The following FAM168B variants were observed in gnomAD, a reference collection of about 807,000 sequenced individuals.
The protein encoded by FAM168B is myelin-associated neurite-outgrowth inhibitor.
FAM168B carries 19 observed loss-of-function variants against 21.8 expected under a neutral mutation model. That is an observed-to-expected ratio of 0.87 (90% confidence interval 0.61 to 1.28). The LOEUF (loss-of-function observed/expected upper bound fraction) is 1.28, where lower values mean the gene tolerates loss of function less well. Ranked by LOEUF, FAM168B falls within the 50% of genes most tolerant of loss-of-function variation. The pLI is 0.00. For missense variants in FAM168B, 233 were observed against 263.1 expected (o/e 0.89, Z 0.79); for synonymous variants, 126 against 104.8 (o/e 1.20, Z -1.24).
intron 1 of FAM168B, among the ~76,000 whole-genome samples, chr2:131,086,921 C>A (rs1283106211): frequency 1.2e-4 from 15 of 129,056 alleles, no homozygotes; most frequent in African/African-American, 5.5e-4. Flanking sequence ...AAAAATTAGC[C>A]GGGCGAGGTG....
chr2:131,056,927 G>C (rs954131270), intron 3 of FAM168B, among the ~76,000 whole-genome samples: 10 of 152,204 alleles, frequency 6.6e-5, no homozygotes, highest in African/African-American at 2.4e-4. Context: ...GGGCATGCGA[G>C]AACCTTTCCA....
Position 131,051,094 on chromosome 2 carries a change from C to T in FAM168B, c.*1371G>A. 2.0e-6 allele frequency: 2 copies of T among 985,464 alleles called. No homozygotes were observed. Among genetic ancestry groups the T allele is most frequent in the Non-Finnish European group, 2.4e-6 (2 of 829,976 alleles). The allele number at this position is 985,464 out of a possible 1,614,324, so 61.0% of individuals were successfully genotyped here. A position where few individuals can be genotyped will look rare whatever the true frequency, so the allele number is the denominator to read the frequency against. ...CCCTGCCAGCAAACGCACTCCAGCACTGCCTGGCCCTCTCTGCTGTCTGTG... is the reference window on the plus strand; with the variant it reads ...CCCTGCCAGCAAACGCACTCCAGCATTGCCTGGCCCTCTCTGCTGTCTGTG... On this transcript the variant is annotated 3_prime_UTR_variant, in exon 7 of 7. Transcript: ENST00000389915.
At chr2:131,072,513 C>T (rs1247252713) in intron 2 of FAM168B, among the ~76,000 whole-genome samples, 1 of 151,862 alleles carries the variant, frequency 6.6e-6, no homozygotes, top group Non-Finnish European at 1.5e-5. Flanking sequence ...GTTGCCCAGG[C>T]TAGAGTGCAG....
intron 1 of FAM168B, among the ~76,000 whole-genome samples, chr2:131,083,409 G>A (rs886914097): frequency 3.9e-5 from 6 of 152,190 alleles, no homozygotes; most frequent in Non-Finnish European, 7.4e-5. Context: ...GTGTGGTGAC[G>A]CACACCTGTA....
rs957804107 is a variant in FAM168B, at chr2:131,055,828, A to G, written c.155-133T>C. The G allele has an allele frequency of 4.0e-6, 4 of 989,192 alleles. No individual in the cohort carries two copies. The African/African-American group carries it at 4.9e-5, about 12-fold the overall frequency. The allele number at this position is 989,192 out of a possible 1,614,324, so 61.3% of individuals were successfully genotyped here. ...CAGACCTGCTGCCACTGCCGCCCCC[A>G]CTCTCCTCCACTAAGATCTGACTTC... On this transcript the variant is annotated intron_variant, in intron 3 of 6. Coordinates refer to ENST00000389915, the MANE Select transcript of FAM168B (RefSeq NM_001009993.4).
At chr2:131,065,482 A>C (rs1692504902) in intron 3 of FAM168B, among the ~76,000 whole-genome samples, 3 of 152,124 alleles carry the variant, frequency 2.0e-5, no homozygotes. Context: ...TATGGCTATA[A>C]TTCTGAGTTC....
chr2:131,085,253 C>T (rs749369903), intron 1 of FAM168B, among the ~76,000 whole-genome samples: 1 of 152,088 alleles, frequency 6.6e-6, no homozygotes, highest in Non-Finnish European at 1.5e-5. Flanking sequence ...AGTTCAAGAC[C>T]AGCCTGGGCA....
Position 131,049,883 on chromosome 2 carries a change from G to A in FAM168B, c.*2582C>T. ...TTCTTAATTGACTTTAATTTTACTA[G>A]AAGCGAATGTTGATAAAATTACAAC... On this transcript the variant is annotated 3_prime_UTR_variant, in exon 7 of 7. Transcript: ENST00000389915. The A allele has an allele frequency of 3.0e-6, 3 of 985,678 alleles. No individual in the cohort carries two copies. Among genetic ancestry groups the A allele is most frequent in the Non-Finnish European group, 3.6e-6 (3 of 829,934 alleles). The allele number at this position is 985,678 out of a possible 1,614,324, so 61.1% of individuals were successfully genotyped here. A position where few individuals can be genotyped will look rare whatever the true frequency, so the allele number is the denominator to read the frequency against.
intron 6 of FAM168B, 29 bp downstream of exon 6, chr2:131,052,862 G>C (rs762955520): frequency 6.7e-5 from 103 of 1,546,734 alleles, no homozygotes; most frequent in Non-Finnish European, 1.6e-5. Flanking sequence ...TTTCATCAAA[G>C]GCTAGCCCAG....
intron 1 of FAM168B, among the ~76,000 whole-genome samples, chr2:131,087,627 A>G (rs1031600190): frequency 6.6e-6 from 1 of 152,214 alleles, no homozygotes; most frequent in Admixed American, 6.5e-5. Context: ...GGAATCAGTA[A>G]TAGATGATTG....
At chr2:131,054,579 G>A (rs538255232) in intron 5 of FAM168B, among the ~76,000 whole-genome samples, 1 of 152,188 alleles carries the variant, frequency 6.6e-6, no homozygotes, top group Non-Finnish European at 1.5e-5. Flanking sequence ...AACAAGGAGG[G>A]AACAGTACGC....
At chr2:131,090,725 A>G (rs1693974654) in intron 1 of FAM168B, among the ~76,000 whole-genome samples, 2 of 152,042 alleles carry the variant, frequency 1.3e-5, no homozygotes, top group Non-Finnish European at 2.9e-5. Context: ...ATATATGTAT[A>G]ATATATACAA....
chr2:131,088,833 A>G (rs1247510755), intron 1 of FAM168B, among the ~76,000 whole-genome samples: 2 of 152,224 alleles, frequency 1.3e-5, no homozygotes, highest in African/African-American at 4.8e-5. Context: ...GCAAAACTAA[A>G]GAAAAAACAC....
At chr2:131,067,337 T>G (rs1038485623) in intron 3 of FAM168B, among the ~76,000 whole-genome samples, 2 of 152,202 alleles carry the variant, frequency 1.3e-5, no homozygotes, top group African/African-American at 4.8e-5. Flanking sequence ...GGAAGAGGGC[T>G]AAGAAATACG....
intron 2 of FAM168B, among the ~76,000 whole-genome samples, chr2:131,080,111 C>A (rs1326793754): frequency 6.7e-6 from 1 of 150,088 alleles, no homozygotes; most frequent in East Asian, 2.0e-4. Flanking sequence ...GAGTGAAACT[C>A]TGTCTCAGAA....
chr2:131,082,702 G>T, intron 1 of FAM168B, 45 bp from the exon 2 acceptor site: 1 of 1,363,418 alleles, frequency 7.3e-7, no homozygotes, highest in South Asian at 1.3e-5. Flanking sequence ...TTTGCTCTCA[G>T]ATTTTTCTCC....
At chr2:131,061,297 A>T (rs960451076) in intron 3 of FAM168B, among the ~76,000 whole-genome samples, 6 of 145,684 alleles carry the variant, frequency 4.1e-5, no homozygotes, top group Non-Finnish European at 1.5e-5. Context: ...CCAAAATTTA[A>T]AAAAAAAAAA....
chr2:131,048,372 C>A lies in FAM168B; in HGVS notation c.*4093G>T. The A allele has an allele frequency of 7.7e-7, 1 of 1,291,444 alleles. No individual in the cohort carries two copies. The allele number at this position is 1,291,444 out of a possible 1,614,324, so 80.0% of individuals were successfully genotyped here. A position where few individuals can be genotyped will look rare whatever the true frequency, so the allele number is the denominator to read the frequency against. ...TGGTGAGGAGGAGACACCTGTCATG[C>A]CAGTCCTGGGAGCACACCACCCTTC... is the stretch of plus-strand genomic sequence containing the variant. On this transcript the variant is annotated 3_prime_UTR_variant, in exon 7 of 7. Coordinates refer to ENST00000389915, the MANE Select transcript of FAM168B (RefSeq NM_001009993.4).
At chr2:131,070,776 G>C (rs1466774990) in intron 3 of FAM168B, among the ~76,000 whole-genome samples, 1 of 152,112 alleles carries the variant, frequency 6.6e-6, no homozygotes. Context: ...GTTCTTTCAA[G>C]GCAAAACACA....
Sources: gnomAD v4.1 joint callset for allele counts (sites outside exome capture counted in the v4.1 genomes callset) on GRCh38, gnomAD v4.1.1 for gene constraint, MANE v1.5 for transcripts, NCBI Gene and HGNC (gene_info 2026-07-23, HGNC 2026-07-21) for gene names.